The following C4orf33 variants were observed in gnomAD, a reference collection of about 807,000 sequenced individuals.
C4orf33 encodes UPF0462 protein C4orf33.
Under a neutral mutation model 24.3 loss-of-function variants are expected in C4orf33, and 20 were observed. The observed-to-expected ratio is 0.82, with a 90% CI of 0.58 to 1.19. The LOEUF is 1.19. Ranked by LOEUF, C4orf33 falls within the 50% of genes most tolerant of loss-of-function variation. C4orf33 has a pLI of 0.00. For synonymous variants in C4orf33, 67 were observed against 76.4 expected, an observed-to-expected ratio of 0.88 and a Z score of 0.64; for missense variants, 207 against 225.9, an observed-to-expected ratio of 0.92 and a Z score of 0.54.
At chr4:129,094,551 A>C (rs926699681), upstream of C4orf33, among the ~76,000 whole-genome samples, 3 of 152,230 alleles carry the variant, frequency 2.0e-5, no homozygotes. Context: ...TGTGTTAAGA[A>C]ATTTTAAAAA....
chr4:129,115,831 A>ATATAT lies in C4orf33; in HGVS notation c.*4040_*4041insTATAT, dbSNP rs1561095059. The ATATAT allele has an allele frequency of 1.6e-4, 7 of 43,734 alleles. No individual in the cohort carries two copies. Among genetic ancestry groups the ATATAT allele is most frequent in the African/African-American group, 4.1e-4 (7 of 17,208 alleles). 2.7% of individuals were successfully genotyped at this position (43,734 alleles called of 1,614,324 possible). A position where few individuals can be genotyped will look rare whatever the true frequency, so the allele number is the denominator to read the frequency against. ...ATATATATATATATATATATATATA[A>ATATAT]AATATATATGTTTATATATAACATA... On this transcript the variant is annotated 3_prime_UTR_variant, in exon 6 of 6. Transcript: ENST00000425929.
At chr4:129,095,953 G>T (rs941053981), upstream of C4orf33, among the ~76,000 whole-genome samples, 6 of 152,074 alleles carry the variant, frequency 3.9e-5, no homozygotes, top group Non-Finnish European at 8.8e-5. Flanking sequence ...TCAAATTATT[G>T]CACAGTATTT....
At chr4:129,093,949 C>T (rs1468587339), upstream of C4orf33, 2 of 152,244 alleles carry the variant, frequency 1.3e-5, no homozygotes, top group East Asian at 3.8e-4. Flanking sequence ...GGATAGAAGC[C>T]AGACTGGCGT....
rs149699801 is a variant in C4orf33, at chr4:129,111,692, C to A, written c.501C>A (p.Cys167Ter). 2.5e-6 allele frequency: 4 copies of A among 1,603,038 alleles called. No homozygotes were observed. The highest frequency in any genetic ancestry group is 3.4e-5 in the Admixed American group (2 of 59,668). The change falls in exon 6 of 6, where the codon TGC (cysteine) becomes TGA (stop). Residue 167 changes from cysteine to a stop codon, truncating the protein, a stop_gained. Coordinates refer to ENST00000425929, the MANE Select transcript of C4orf33 (RefSeq NM_001099783.2). LOFTEE classifies it high-confidence loss of function. ...LQQGQKPDFH[C>*]LEYFKSFNFN... is the part of the protein sequence containing the mutation. ...TCTTTTTCTTTGCTTTTAGCCATTG[C>A]CTAGAATACTTCAAGTCTTTCAATT...
At chr4:129,109,854 T>C (rs1753635948) in intron 5 of C4orf33, 182 bp downstream of exon 5, 1 of 957,206 alleles carries the variant, frequency 1.0e-6, no homozygotes. Flanking sequence ...ACTGTCATAA[T>C]CTCTCTCACT....
At chr4:129,110,768 C>G (rs1753674400) in intron 5 of C4orf33, among the ~76,000 whole-genome samples, 1 of 152,068 alleles carries the variant, frequency 6.6e-6, no homozygotes, top group African/African-American at 2.4e-5. Context: ...ATTTTTTCCC[C>G]TTTTCCCTTT....
chr4:129,107,363 T>C (rs1753549559), intron 3 of C4orf33, among the ~76,000 whole-genome samples: 1 of 152,002 alleles, frequency 6.6e-6, no homozygotes, highest in Non-Finnish European at 1.5e-5. Flanking sequence ...TTATAGCACA[T>C]TTAAAATTAA....
rs17351999 is a variant in C4orf33 at position 129,111,688 on chromosome 4, A to G, written c.497A>G (p.His166Arg). The part of the protein sequence containing the change: ...ELQQGQKPDF[H>R]CLEYFKSFNF... ...ACCTTCTTTTTCTTTGCTTTTAGCCATTGCCTAGAATACTTCAAGTCTTTC... is the reference window on the plus strand; with the variant it reads ...ACCTTCTTTTTCTTTGCTTTTAGCCGTTGCCTAGAATACTTCAAGTCTTTC... Residue 166 changes from histidine (H) to arginine (R), a missense_variant and splice_region_variant, in exon 6 of 6, where the codon CAT (histidine) becomes CGT (arginine). His to Arg is a conservative substitution (Grantham distance 29). Coordinates refer to ENST00000425929, the MANE Select transcript of C4orf33 (RefSeq NM_001099783.2). 226,601 of 1,589,176 alleles carry G rather than the reference A, an allele frequency of 0.14. 17,424 individuals carry two copies. Among genetic ancestry groups the G allele is most frequent in the Middle Eastern group, 0.19 (1,129 of 6,004 alleles).
In C4orf33 at chr4:129,109,520, G is replaced by A. The variant is rs1440037055; in HGVS notation, c.342G>A (p.Trp114Ter). 8 of 1,613,750 alleles carry A rather than the reference G, an allele frequency of 5.0e-6. No individual in the cohort carries two copies. The Middle Eastern group carries it at 6.6e-4, about 133-fold the overall frequency. Reference sequence around the variant, plus strand: ...GAATGTCCAGAGGAGAGACAAAATGGGAAGGCAAAGCTTATCTCCCTTGGA... The same window carrying A: ...GAATGTCCAGAGGAGAGACAAAATGAGAAGGCAAAGCTTATCTCCCTTGGA... The part of the protein sequence containing the change: ...SFRMSRGETK[W>*]EGKAYLPWSY... The change falls in exon 5 of 6, where the codon TGG (tryptophan) becomes TGA (stop). Residue 114 changes from tryptophan (W) to a stop codon, truncating the protein, a stop_gained. Coordinates refer to ENST00000425929, the MANE Select transcript of C4orf33 (RefSeq NM_001099783.2). LOFTEE classifies it high-confidence loss of function.
chr4:129,097,191 G>A (rs1753232630), intron 1 of C4orf33, among the ~76,000 whole-genome samples: 1 of 152,212 alleles, frequency 6.6e-6, no homozygotes, highest in South Asian at 2.1e-4. Flanking sequence ...ACAGGTGTGA[G>A]CCACCGCGCC....
At chr4:129,098,499 A>G (rs1017682994) in intron 1 of C4orf33, among the ~76,000 whole-genome samples, 1 of 152,210 alleles carries the variant, frequency 6.6e-6, no homozygotes, top group Non-Finnish European at 1.5e-5. Context: ...TGCTATATTT[A>G]TGTAGTAAAA....
At position 129,111,791 on chromosome 4, in the gene C4orf33, G is replaced by A. The variant is rs1753698973; in HGVS notation, c.600G>A (p.Ter200=). 6.5e-7 allele frequency: 1 copy of A among 1,544,448 alleles called. No individual in the cohort carries two copies. The highest frequency in any genetic ancestry group is 8.9e-7 in the Non-Finnish European group (1 of 1,118,936). ...GGCTAATAGAGAAATGTGATATATA[G>A]GAGTAATAGATAACCATACCGATCA... The part of the protein sequence containing the change: ...DLWLIEKCDI[*] Residue 200 remains the stop codon, a stop_retained_variant, in exon 6 of 6, where the codon TAG becomes TAA. Coordinates refer to ENST00000425929, the MANE Select transcript of C4orf33 (RefSeq NM_001099783.2).
chr4:129,095,439 T>C (rs554813857), upstream of C4orf33, among the ~76,000 whole-genome samples: 102 of 152,316 alleles, frequency 6.7e-4, 1 homozygote, highest in Admixed American at 3.5e-3. Flanking sequence ...TCAGTGGATG[T>C]TCATGAAAAG....
chr4:129,097,374 T>C (rs1425186067), intron 1 of C4orf33, among the ~76,000 whole-genome samples: 3 of 152,198 alleles, frequency 2.0e-5, no homozygotes, highest in African/African-American at 7.2e-5. Flanking sequence ...CTGTTACCAC[T>C]CGTTTCTTGG....
At position 129,114,760 on chromosome 4, in the gene C4orf33, T is replaced by A. The variant is rs1261511993; in HGVS notation, c.*2969T>A. The A allele has an allele frequency of 3.3e-5, 5 of 152,194 alleles. No individual in the cohort carries two copies. The highest frequency in any genetic ancestry group is 7.3e-5 in the Non-Finnish European group (5 of 68,062). 9.4% of individuals were successfully genotyped at this position (152,194 alleles called of 1,614,324 possible). On this transcript the variant is annotated 3_prime_UTR_variant, in exon 6 of 6. Transcript: ENST00000425929. ...ACCTGAAGCTATGAAAGCCATCTAGTCATAATGACTCTTCGTGTCAACTGT... is the reference window on the plus strand; with the variant it reads ...ACCTGAAGCTATGAAAGCCATCTAGACATAATGACTCTTCGTGTCAACTGT...
chr4:129,106,897 G>T (rs1753535920), intron 3 of C4orf33, among the ~76,000 whole-genome samples: 1 of 151,652 alleles, frequency 6.6e-6, no homozygotes, highest in African/African-American at 2.4e-5. Context: ...CATTAATGTA[G>T]ATTTTTGTAA....
Position 129,099,239 on chromosome 4 carries a change from G to A in C4orf33, c.-10+3030G>A, listed in dbSNP as rs543753886. Among the ~76,000 whole-genome samples, 23 of 152,178 alleles carry A rather than the reference G, an allele frequency of 1.5e-4. No individual in the cohort carries two copies. In the East Asian group the frequency reaches 4.2e-3, roughly 28 times the overall value. The stretch of plus-strand genomic sequence containing the variant: ...AAATGAACCAACTGATGTTGGAAAC[G>A]GGTACCTCATTGATTAGTTACATGA... On this transcript the variant is annotated intron_variant, in intron 1 of 5. Transcript: ENST00000425929.
At chr4:129,102,902 C>A in intron 2 of C4orf33, 111 bp downstream of exon 2, 1 of 892,336 alleles carries the variant, frequency 1.1e-6, no homozygotes, top group Non-Finnish European at 1.7e-6. Flanking sequence ...GAGCAATTGA[C>A]ATGTACAGTT....
rs1753763644 is a variant in C4orf33, at chr4:129,115,801, A to AGTATATAT, written c.*4010_*4011insGTATATAT. On this transcript the variant is annotated 3_prime_UTR_variant, in exon 6 of 6. Transcript: ENST00000425929. The stretch of plus-strand genomic sequence containing the variant: ...ATGTGCCTAACAAATCTTCTAACTA[A>AGTATATAT]ATATATATATATATATATATATATA... The AGTATATAT allele has an allele frequency of 1.1e-5, 1 of 90,250 alleles. No individual in the cohort carries two copies. The highest frequency in any genetic ancestry group is 4.3e-5 in the African/African-American group (1 of 23,340). 5.6% of individuals were successfully genotyped at this position (90,250 alleles called of 1,614,324 possible). A position where few individuals can be genotyped will look rare whatever the true frequency, so the allele number is the denominator to read the frequency against.
Sources: allele counts gnomAD v4.1 joint callset (sites outside exome capture counted in the v4.1 genomes callset), GRCh38; gene constraint gnomAD v4.1.1; transcripts MANE v1.5; gene names NCBI Gene and HGNC (gene_info 2026-07-23, HGNC 2026-07-21).